Variants in LYRM4 observed in about 807,000 individuals in gnomAD.
LYRM4 encodes LYR motif containing 4.
In LYRM4, 9 loss-of-function variants were observed where a neutral mutation model predicts 11.7. The ratio of observed to expected loss-of-function variants is 0.77; its 90% confidence interval spans 0.46 to 1.34. LYRM4 has a LOEUF of 1.34. Ranked by LOEUF, LYRM4 falls within the 40% of genes most tolerant of loss-of-function variation. The pLI is 0.00. For synonymous variants in LYRM4, 42 were observed against 40.4 expected, an observed-to-expected ratio of 1.04 and a Z score of -0.15; for missense variants, 133 against 112.5, an observed-to-expected ratio of 1.18 and a Z score of -0.82.
chr6:5,228,629 T>C (rs1561886164), intron 1 of LYRM4, among the ~76,000 whole-genome samples: 1 of 152,172 alleles, frequency 6.6e-6, no homozygotes, highest in Non-Finnish European at 1.5e-5. Context: ...ATCTTTGGAA[T>C]ATAGTCAAAG....
chr6:5,034,113 T>C, the LYRM4 span: 1 of 152,322 alleles, frequency 6.6e-6, no homozygotes, highest in African/African-American at 2.4e-5. Flanking sequence ...TGTCTCTGAG[T>C]GCAGGAGGCT....
the LYRM4 span, among the ~76,000 whole-genome samples, chr6:5,036,174 T>C: frequency 5.9e-5 from 9 of 152,262 alleles, no homozygotes; most frequent in Admixed American, 4.6e-4. Context: ...TATAATAAAA[T>C]TTTGTTGAGC....
At chr6:5,056,203 A>G in the LYRM4 span, among the ~76,000 whole-genome samples, 2 of 152,174 alleles carry the variant, frequency 1.3e-5, no homozygotes, top group South Asian at 4.1e-4. Context: ...TGGCTTTTTA[A>G]AAAACAGTTG....
intron 2 of LYRM4, among the ~76,000 whole-genome samples, chr6:5,187,857 T>A (rs1760509990): frequency 6.6e-6 from 1 of 150,508 alleles, no homozygotes; most frequent in African/African-American, 2.4e-5. Context: ...TGTAAGGGAG[T>A]ATTTATGGTA....
intron 2 of LYRM4, among the ~76,000 whole-genome samples, chr6:5,186,215 C>G (rs937780602): frequency 1.3e-5 from 2 of 152,042 alleles, no homozygotes; most frequent in Admixed American, 1.3e-4. Context: ...GCCCGGAAGC[C>G]AAAGGCTTCT....
At chr6:5,073,583 T>C in the LYRM4 span, among the ~76,000 whole-genome samples, 1 of 148,252 alleles carries the variant, frequency 6.7e-6, no homozygotes, top group South Asian at 2.1e-4. Context: ...ACATAGTATA[T>C]ATATTTTATA....
intron 1 of LYRM4, among the ~76,000 whole-genome samples, chr6:5,242,187 C>T (rs527475237): frequency 1.4e-4 from 22 of 151,818 alleles, no homozygotes; most frequent in African/African-American, 4.6e-4. Context: ...ATTCTCCTGC[C>T]TCAGCCTCCT....
chr6:5,194,787 G>A (rs1282261295), intron 2 of LYRM4, among the ~76,000 whole-genome samples: 1 of 152,136 alleles, frequency 6.6e-6, no homozygotes, highest in Non-Finnish European at 1.5e-5. Context: ...GCAGTGGCAC[G>A]ATCATAGCTC....
chr6:5,230,973 A>G (rs537122761), intron 1 of LYRM4, among the ~76,000 whole-genome samples: 1 of 152,332 alleles, frequency 6.6e-6, no homozygotes, highest in Non-Finnish European at 1.5e-5. Flanking sequence ...AAGGAAAAAA[A>G]GTCCATATAA....
At chr6:5,202,844 T>C (rs1230206771) in intron 2 of LYRM4, among the ~76,000 whole-genome samples, 1 of 152,232 alleles carries the variant, frequency 6.6e-6, no homozygotes, top group East Asian at 1.9e-4. Flanking sequence ...CAAGCTACTA[T>C]GAAGGAATTC....
Position 5,229,003 on chromosome 6 carries a change from CAAAAAAA to C in LYRM4, c.87-12272_87-12266del, listed in dbSNP as rs70974180. On this transcript the variant is annotated intron_variant, in intron 1 of 2. Coordinates refer to ENST00000330636, the MANE Select transcript of LYRM4 (RefSeq NM_020408.6). ...TGGGCGACGGAGCGAGGCTCAGTCT[CAAAAAAA>C]AAAAAAAAAAAAAAAAGAATATTTC... is the stretch of plus-strand genomic sequence containing the variant. Among the ~76,000 whole-genome samples, 33 of 37,980 alleles carry C rather than the reference CAAAAAAA, an allele frequency of 8.7e-4. 1 individual carries two copies. The East Asian group carries it at 0.018, about 21-fold the overall frequency. The allele number at this position is 37,980 out of a possible 152,430, so 24.9% of individuals were successfully genotyped here. A position where few individuals can be genotyped will look rare whatever the true frequency, so the allele number is the denominator to read the frequency against.
chr6:5,171,121 T>A (rs1035128595), intron 2 of LYRM4, among the ~76,000 whole-genome samples: 1 of 152,262 alleles, frequency 6.6e-6, no homozygotes, highest in East Asian at 1.9e-4. Flanking sequence ...AGGATATACA[T>A]GAAAATAATA....
intron 1 of LYRM4, among the ~76,000 whole-genome samples, chr6:5,247,894 T>C (rs999030887): frequency 9.2e-5 from 14 of 152,204 alleles, no homozygotes; most frequent in African/African-American, 2.9e-4. Context: ...ATAGTTATAA[T>C]TAATCGGCAA....
the LYRM4 span, among the ~76,000 whole-genome samples, chr6:5,073,955 G>A: frequency 6.6e-6 from 1 of 152,132 alleles, no homozygotes; most frequent in Non-Finnish European, 1.5e-5. Flanking sequence ...GGGAGCACAG[G>A]GGGCCACAGA....
At chr6:5,065,965 C>A in the LYRM4 span, 1 of 259,218 alleles carries the variant, frequency 3.9e-6, no homozygotes, top group Non-Finnish European at 7.7e-6. Context: ...AGTCAGTGAA[C>A]TTAAGTGGTC....
intron 2 of LYRM4, among the ~76,000 whole-genome samples, chr6:5,182,426 T>C (rs747386861): frequency 6.6e-6 from 1 of 152,286 alleles, no homozygotes; most frequent in Admixed American, 6.5e-5. Context: ...TATAGAAATA[T>C]AATTTAGCTT....
chr6:5,096,641 C>A, the LYRM4 span, among the ~76,000 whole-genome samples: 3 of 152,204 alleles, frequency 2.0e-5, no homozygotes, highest in African/African-American at 7.2e-5. Context: ...TCACCCCTGG[C>A]TAGCCAAGTG....
At chr6:5,247,540 G>A (rs1357566979) in intron 1 of LYRM4, among the ~76,000 whole-genome samples, 2 of 152,186 alleles carry the variant, frequency 1.3e-5, no homozygotes, top group Non-Finnish European at 2.9e-5. Flanking sequence ...CAGATGTGGA[G>A]GAGAGTTAAC....
intron 2 of LYRM4, among the ~76,000 whole-genome samples, chr6:5,131,204 A>G (rs946730875): frequency 3.9e-5 from 6 of 152,268 alleles, no homozygotes; most frequent in African/African-American, 1.4e-4. Flanking sequence ...AGGATGCGGC[A>G]GTCATAAAGC....
Sources: gnomAD v4.1 joint callset for allele counts (sites outside exome capture counted in the v4.1 genomes callset) on GRCh38, gnomAD v4.1.1 for gene constraint, MANE v1.5 for transcripts, NCBI Gene and HGNC (gene_info 2026-07-23, HGNC 2026-07-21) for gene names.